ITFG1: variants seen among roughly 807,000 people sequenced by gnomAD.
ITFG1 encodes the protein integrin alpha FG-GAP repeat containing 1.
In ITFG1, 34 loss-of-function variants were observed where a neutral mutation model predicts 81.8. The ratio of observed to expected loss-of-function variants is 0.42; its 90% CI spans 0.32 to 0.55. ITFG1 has a LOEUF of 0.55. Among genes scored for constraint, ITFG1 ranks in the 20% least tolerant of loss-of-function variants. The pLI is 0.17. For missense variants in ITFG1, 672 were observed against 755.4 expected (o/e 0.89, Z 1.29); for synonymous variants, 285 against 270.6 (o/e 1.05, Z -0.52).
chr16:47,229,007 C>T (rs1567429702), intron 13 of ITFG1, among the ~76,000 whole-genome samples: 1 of 152,106 alleles, frequency 6.6e-6, no homozygotes, highest in Non-Finnish European at 1.5e-5. Flanking sequence ...AATGACGGCC[C>T]ATTAAAAAGC....
intron 10 of ITFG1, among the ~76,000 whole-genome samples, chr16:47,285,146 G>C (rs960900151): frequency 2.6e-5 from 4 of 152,058 alleles, no homozygotes; most frequent in East Asian, 1.9e-4. Flanking sequence ...CCTGCACTCC[G>C]TTCACGCTAA....
chr16:47,213,068 C>T (rs1965582806), intron 14 of ITFG1, among the ~76,000 whole-genome samples: 1 of 152,266 alleles, frequency 6.6e-6, no homozygotes, highest in East Asian at 1.9e-4. Context: ...ACTGCTTTGG[C>T]TGTGTCCCCA....
intron 10 of ITFG1, among the ~76,000 whole-genome samples, chr16:47,273,449 T>C (rs1055717540): frequency 1.3e-5 from 2 of 152,194 alleles, no homozygotes; most frequent in African/African-American, 4.8e-5. Flanking sequence ...TTAGAAATAC[T>C]AAATATTATT....
intron 6 of ITFG1, among the ~76,000 whole-genome samples, chr16:47,411,652 A>G (rs1968812545): frequency 6.6e-6 from 1 of 151,928 alleles, no homozygotes; most frequent in African/African-American, 2.4e-5. Flanking sequence ...ATAGTGACCC[A>G]CCTTTGACTC....
chr16:47,406,144 TA>T (rs1185360823), intron 6 of ITFG1, among the ~76,000 whole-genome samples: 1 of 152,248 alleles, frequency 6.6e-6, no homozygotes, highest in Admixed American at 6.5e-5. Flanking sequence ...AAAGATCAAC[TA>T]TTTTTTAGAG....
intron 10 of ITFG1, among the ~76,000 whole-genome samples, chr16:47,300,440 C>T (rs1327683168): frequency 6.6e-6 from 1 of 152,190 alleles, no homozygotes; most frequent in Non-Finnish European, 1.5e-5. Context: ...GTTCTTCACA[C>T]CCCTGAGGGC....
intron 6 of ITFG1, among the ~76,000 whole-genome samples, chr16:47,405,180 T>A (rs1389988538): frequency 6.6e-6 from 1 of 152,184 alleles, no homozygotes; most frequent in African/African-American, 2.4e-5. Context: ...CCTCGTATAT[T>A]TTCTTGTATG....
At chr16:47,208,502 T>G (rs1409537625) in intron 14 of ITFG1, among the ~76,000 whole-genome samples, 1 of 152,248 alleles carries the variant, frequency 6.6e-6, no homozygotes, top group Non-Finnish European at 1.5e-5. Context: ...GGAGCTGTAC[T>G]TCTAGAACAA....
At chr16:47,286,956 C>T (rs932176625) in intron 10 of ITFG1, among the ~76,000 whole-genome samples, 1 of 152,126 alleles carries the variant, frequency 6.6e-6, no homozygotes, top group South Asian at 2.1e-4. Flanking sequence ...TTCACTTAAT[C>T]ACAACTTCCT....
intron 14 of ITFG1, among the ~76,000 whole-genome samples, chr16:47,181,944 G>A (rs1053005208): frequency 2.2e-4 from 33 of 152,126 alleles, no homozygotes; most frequent in Middle Eastern, 3.4e-3. Flanking sequence ...GATTAAGGGC[G>A]GTGCAAGATG....
chr16:47,209,997 T>C (rs1166444630), intron 14 of ITFG1, among the ~76,000 whole-genome samples: 3 of 152,190 alleles, frequency 2.0e-5, no homozygotes, highest in Non-Finnish European at 2.9e-5. Flanking sequence ...TGAATACAGC[T>C]GGTATAAACA....
chr16:47,181,572 G>A (rs1171382812), intron 14 of ITFG1, among the ~76,000 whole-genome samples: 21 of 139,454 alleles, frequency 1.5e-4, no homozygotes, highest in South Asian at 7.1e-4. Flanking sequence ...CAGCCCCCCC[G>A]CCCGGCCAGC....
chr16:47,209,068 A>C (rs991770584), intron 14 of ITFG1, among the ~76,000 whole-genome samples: 1 of 152,252 alleles, frequency 6.6e-6, no homozygotes, highest in Non-Finnish European at 1.5e-5. Context: ...AAATTGAGCC[A>C]TGAGAAAAGT....
intron 10 of ITFG1, among the ~76,000 whole-genome samples, chr16:47,304,793 C>T (rs1002467585): frequency 3.9e-5 from 6 of 152,124 alleles, no homozygotes; most frequent in African/African-American, 1.4e-4. Flanking sequence ...AGTGCAAAAT[C>T]TTCCATGTCA....
At chr16:47,404,756 AAT>A (rs1396701817) in intron 6 of ITFG1, among the ~76,000 whole-genome samples, 2 of 152,044 alleles carry the variant, frequency 1.3e-5, no homozygotes, top group African/African-American at 4.8e-5. Context: ...CATCCATGTT[AAT>A]ATGTTTAAGC....
chr16:47,352,650 C>T (rs1269013857), intron 8 of ITFG1, among the ~76,000 whole-genome samples: 1 of 152,134 alleles, frequency 6.6e-6, no homozygotes, highest in Non-Finnish European at 1.5e-5. Context: ...GTCAGTGTGG[C>T]GATTCCTCAG....
chr16:47,289,492 A>G (rs1453148038), intron 10 of ITFG1, among the ~76,000 whole-genome samples: 1 of 152,026 alleles, frequency 6.6e-6, no homozygotes, highest in Non-Finnish European at 1.5e-5. Context: ...CTTTTCTTTA[A>G]TGGGGGACAT....
intron 6 of ITFG1, among the ~76,000 whole-genome samples, chr16:47,385,187 T>C (rs1466357763): frequency 3.9e-5 from 6 of 152,226 alleles, no homozygotes; most frequent in African/African-American, 1.4e-4. Context: ...GGTCTGTATG[T>C]TTGAAATAAG....
intron 10 of ITFG1, among the ~76,000 whole-genome samples, chr16:47,267,250 TAAAA>T (rs930731190): frequency 6.6e-6 from 1 of 151,958 alleles, no homozygotes; most frequent in African/African-American, 2.4e-5. Flanking sequence ...TTAAGGCAAA[TAAAA>T]AGAAAGCTGG....
Sources: gnomAD v4.1 joint callset for allele counts (sites outside exome capture counted in the v4.1 genomes callset) on GRCh38, gnomAD v4.1.1 for gene constraint, MANE v1.5 for transcripts, NCBI Gene and HGNC (gene_info 2026-07-23, HGNC 2026-07-21) for gene names.